Variants in MSI2 observed in about 807,000 individuals in gnomAD.
MSI2 encodes the protein RNA-binding protein Musashi homolog 2.
MSI2 carries 17 observed loss-of-function variants against 45.6 expected under a neutral mutation model. That is an observed-to-expected ratio of 0.37 (90% confidence interval 0.26 to 0.56). The LOEUF is 0.56. Among genes scored for constraint, MSI2 ranks in the 20% least tolerant of loss-of-function variants. The pLI is 0.77. For missense variants in MSI2, 293 were observed against 444.2 expected, an observed-to-expected ratio of 0.66 and a Z score of 3.06; for synonymous variants, 156 against 158.2, an observed-to-expected ratio of 0.99 and a Z score of 0.11.
chr17:57,513,129 A>G (rs2143954534), intron 6 of MSI2, among the ~76,000 whole-genome samples: 2 of 151,986 alleles, frequency 1.3e-5, no homozygotes, highest in Middle Eastern at 6.8e-3. Context: ...GCCCGCCACC[A>G]CTGCTGGCTA....
chr17:57,393,300 C>T (rs1443100746), intron 5 of MSI2, among the ~76,000 whole-genome samples: 1 of 152,116 alleles, frequency 6.6e-6, no homozygotes, highest in Non-Finnish European at 1.5e-5. Context: ...ATGCAAATAT[C>T]CCAAAATCCA....
At chr17:57,656,302 T>C (rs554034614) in intron 11 of MSI2, among the ~76,000 whole-genome samples, 2 of 152,320 alleles carry the variant, frequency 1.3e-5, no homozygotes, top group South Asian at 2.1e-4. Flanking sequence ...CGTCCAATTA[T>C]AGTGCAAAAA....
intron 5 of MSI2, among the ~76,000 whole-genome samples, chr17:57,376,399 C>T (rs2083497287): frequency 6.6e-6 from 1 of 152,218 alleles, no homozygotes; most frequent in Non-Finnish European, 1.5e-5. Flanking sequence ...CCCTCTCCTT[C>T]AGTGCAAGCT....
chr17:57,347,550 G>A (rs946973964), intron 5 of MSI2, among the ~76,000 whole-genome samples: 5 of 152,106 alleles, frequency 3.3e-5, no homozygotes, highest in South Asian at 2.1e-4. Context: ...TCTGTCTTGC[G>A]TTTCTCTCTC....
At chr17:57,516,535 T>G (rs565257680) in intron 6 of MSI2, among the ~76,000 whole-genome samples, 38 of 152,338 alleles carry the variant, frequency 2.5e-4, no homozygotes, top group African/African-American at 9.1e-4. Flanking sequence ...TTCACAACTT[T>G]GTAGTTATCA....
rs1177742393 is a variant in MSI2, at chr17:57,463,407, CCT to C, written c.405+61937_405+61938del. ...TCTCAGAGTTTTGAGAAAGCCACCC[CCT>C]GTCAAGCCAGTCACCGCTTCTGTCT... On this transcript the variant is annotated intron_variant, in intron 6 of 13. Coordinates refer to ENST00000284073, the MANE Select transcript of MSI2 (RefSeq NM_138962.4). 2.6e-5 allele frequency among the ~76,000 whole-genome samples: 4 copies of C among 152,250 alleles called. No homozygotes were observed. The East Asian group carries it at 7.7e-4, about 29-fold the overall frequency.
intron 5 of MSI2, among the ~76,000 whole-genome samples, chr17:57,283,374 G>A (rs897635069): frequency 2.6e-5 from 4 of 152,086 alleles, no homozygotes; most frequent in Admixed American, 1.3e-4. Flanking sequence ...TTGTATCGCT[G>A]ACCCATTAAA....
Position 57,627,681 on chromosome 17 carries a change from C to G in MSI2, c.727+378C>G. ...CCACCCCTTGCCCGCCTCCCCGCTC[C>G]CTGTGTCCACCTGCCCAATGTTTGA... On this transcript the variant is annotated intron_variant, in intron 10 of 13. Transcript: ENST00000284073. The surrounding 1 kb of genome is among the most constrained non-coding windows in gnomAD (Gnocchi z 4.6). 1 of 269,946 alleles carries G rather than the reference C, an allele frequency of 3.7e-6. No individual in the cohort carries two copies. The highest frequency in any genetic ancestry group is 7.1e-6 in the Non-Finnish European group (1 of 141,220). 16.7% of individuals were successfully genotyped at this position (269,946 alleles called of 1,614,324 possible).
intron 5 of MSI2, among the ~76,000 whole-genome samples, chr17:57,380,991 C>G (rs2083589020): frequency 6.6e-6 from 1 of 152,144 alleles, no homozygotes; most frequent in Non-Finnish European, 1.5e-5. Context: ...ACACATACCC[C>G]CAGCTCCCAC....
intron 6 of MSI2, chr17:57,448,902 G>A (rs1476408454): frequency 6.6e-6 from 1 of 152,262 alleles, no homozygotes; most frequent in African/African-American, 2.4e-5. Context: ...TCGTTAGGAA[G>A]GAGTGGAGGA....
intron 4 of MSI2, among the ~76,000 whole-genome samples, chr17:57,261,900 T>C (rs887943087): frequency 2.6e-5 from 4 of 152,176 alleles, no homozygotes; most frequent in Non-Finnish European, 5.9e-5. Context: ...ATCTGGTTTA[T>C]TAAGAGCATC....
chr17:57,559,505 G>A (rs571125841), intron 7 of MSI2, among the ~76,000 whole-genome samples: 3 of 152,200 alleles, frequency 2.0e-5, no homozygotes, highest in Non-Finnish European at 4.4e-5. Context: ...GTAGCAGAGT[G>A]ACTTTGGCTC....
At position 57,409,063 on chromosome 17, in the gene MSI2, G is replaced by A. The variant is rs774245004; in HGVS notation, c.405+7592G>A. Among the ~76,000 whole-genome samples the A allele has an allele frequency of 5.3e-5, 8 of 151,964 alleles. No individual in the cohort carries two copies. In the South Asian group the frequency reaches 1.7e-3, roughly 32 times the overall value. ...TTACAGCTCCGTATATTCAGACTTG[G>A]TATTTGTGAATTAGCTAAAAGTGGG... On this transcript the variant is annotated intron_variant, in intron 6 of 13. Transcript: ENST00000284073.
chr17:57,580,449 C>G (rs900580230), intron 7 of MSI2, among the ~76,000 whole-genome samples: 8 of 152,230 alleles, frequency 5.3e-5, no homozygotes, highest in African/African-American at 1.4e-4. Flanking sequence ...GCCTGCCCCC[C>G]ACACCCTCCA....
At chr17:57,300,917 C>G (rs569758932) in intron 5 of MSI2, among the ~76,000 whole-genome samples, 2 of 152,328 alleles carry the variant, frequency 1.3e-5, no homozygotes, top group African/African-American at 4.8e-5. Flanking sequence ...ATTATGAGAG[C>G]TACAATTCAA....
intron 7 of MSI2, among the ~76,000 whole-genome samples, chr17:57,538,430 G>C (rs1022086390): frequency 6.6e-6 from 1 of 152,090 alleles, no homozygotes; most frequent in Admixed American, 6.5e-5. Context: ...TTTTAGAGTT[G>C]GTCATACTCG....
chr17:57,648,124 G>A (rs1005183656), intron 10 of MSI2, among the ~76,000 whole-genome samples: 3 of 145,372 alleles, frequency 2.1e-5, no homozygotes, highest in African/African-American at 7.8e-5. Flanking sequence ...CACCATGCCT[G>A]GCTAATTCGT....
chr17:57,343,543 G>A (rs1915349485), intron 5 of MSI2, among the ~76,000 whole-genome samples: 1 of 152,058 alleles, frequency 6.6e-6, no homozygotes, highest in East Asian at 1.9e-4. Flanking sequence ...ATACATCAGT[G>A]TTCCTAATGG....
At chr17:57,574,823 T>G (rs1286731032) in intron 7 of MSI2, among the ~76,000 whole-genome samples, 1 of 145,860 alleles carries the variant, frequency 6.9e-6, no homozygotes, top group Non-Finnish European at 1.5e-5. Flanking sequence ...GCATTCTCTC[T>G]CTCTCTTTTT....
Sources: gnomAD v4.1 joint callset for allele counts (sites outside exome capture counted in the v4.1 genomes callset) on GRCh38, gnomAD v4.1.1 for gene constraint, Gnocchi (gnomAD v3.1) non-coding constraint, MANE v1.5 for transcripts, NCBI Gene and HGNC (gene_info 2026-07-23, HGNC 2026-07-21) for gene names.